Variants in FER1L5 observed in about 807,000 individuals in gnomAD.
FER1L5 encodes the protein fer-1-like protein 5.
In FER1L5, 187 loss-of-function variants were observed where a neutral mutation model predicts 279.9. The ratio of observed to expected loss-of-function variants is 0.67; its 90% CI spans 0.59 to 0.75. The LOEUF (loss-of-function observed/expected upper bound fraction) is 0.75, where lower values mean the gene tolerates loss of function less well. FER1L5 is among the 30% of genes least tolerant of loss of function. FER1L5 has a pLI of 0.00. For missense variants in FER1L5, 2,091 were observed against 2,594.4 expected (o/e 0.81, Z 4.21); for synonymous variants, 921 against 989.7 (o/e 0.93, Z 1.30).
intron 37 of FER1L5, among the ~76,000 whole-genome samples, chr2:96,696,329 G>A (rs1259633866): frequency 1.3e-5 from 2 of 150,944 alleles, no homozygotes; most frequent in East Asian, 1.9e-4. Flanking sequence ...TTTTGCTCTT[G>A]TTGCCCAGGC....
At position 96,703,552 on chromosome 2, in the gene FER1L5, G is replaced by A; in HGVS notation, c.5721G>A (p.Leu1907=). 1 of 1,613,980 alleles carries A rather than the reference G, an allele frequency of 6.2e-7. No individual in the cohort carries two copies. Among genetic ancestry groups the A allele is most frequent in the Non-Finnish European group, 8.5e-7 (1 of 1,179,882 alleles). ...SGKVKMSLEI[L]SEKEALIKPA... Reference sequence around the variant, plus strand: ...AGGTGAAGATGAGCCTGGAGATTCTGTCAGAGAAGGAAGCCTTAATCAAGC... The same window carrying A: ...AGGTGAAGATGAGCCTGGAGATTCTATCAGAGAAGGAAGCCTTAATCAAGC... The change falls in exon 51 of 53, where the codon CTG becomes CTA. Residue 1907 remains leucine, a synonymous_variant. Coordinates refer to ENST00000624922, the MANE Select transcript of FER1L5 (RefSeq NM_001293083.2).
rs1472743436 is a variant in FER1L5 at position 96,699,074 on chromosome 2, C to A, written c.4548C>A (p.Gly1516=). 1.9e-6 allele frequency: 3 copies of A among 1,611,898 alleles called. No homozygotes were observed. Among genetic ancestry groups the A allele is most frequent in the Non-Finnish European group, 2.5e-6 (3 of 1,179,064 alleles). The change falls in exon 42 of 53, where the codon GGC becomes GGA. Residue 1516 remains glycine (G), a synonymous_variant. Transcript: ENST00000624922. ...ACCCTTATGTGATCCTGAAACTGGG[C>A]AAGACAGAGCTTGGCAACCGGGACA... ...LCDPYVILKL[G]KTELGNRDMY... is the part of the protein sequence containing the mutation.
Position 96,694,573 on chromosome 2 carries a change from C to A in FER1L5, c.3741+109C>A. 1.2e-6 allele frequency: 1 copy of A among 852,812 alleles called. No homozygotes were observed. The allele number at this position is 852,812 out of a possible 1,614,324, so 52.8% of individuals were successfully genotyped here. A position where few individuals can be genotyped will look rare whatever the true frequency, so the allele number is the denominator to read the frequency against. On this transcript the variant is annotated intron_variant, in intron 34 of 52. Transcript: ENST00000624922. The surrounding 1 kb of genome is among the most constrained non-coding windows in gnomAD (Gnocchi z 4.6). ...TGACTACTGGATCCAAAGCTCACAC[C>A]CCGAAAAAGACTACCTGGGAGGTGG...
At position 96,659,649 on chromosome 2, in the gene FER1L5, G is replaced by A. The variant is rs185997268; in HGVS notation, c.748-692G>A. Among the ~76,000 whole-genome samples, 122 of 150,290 alleles carry A rather than the reference G, an allele frequency of 8.1e-4. 1 individual carries two copies. The East Asian group carries it at 0.017, about 21-fold the overall frequency. On this transcript the variant is annotated intron_variant, in intron 9 of 52. Coordinates refer to ENST00000624922, the MANE Select transcript of FER1L5 (RefSeq NM_001293083.2). ...TGAGACTACAGGGGCCCGCCACCACGCCCGGCTAATTTTTTGTATTTTTAG... is the reference window on the plus strand; with the variant it reads ...TGAGACTACAGGGGCCCGCCACCACACCCGGCTAATTTTTTGTATTTTTAG...
chr2:96,659,252 C>T (rs2075725868), intron 9 of FER1L5, among the ~76,000 whole-genome samples: 1 of 151,148 alleles, frequency 6.6e-6, no homozygotes, highest in African/African-American at 2.4e-5. Flanking sequence ...CTTTCAAAAG[C>T]AGACTTTTTC....
intron 1 of FER1L5, among the ~76,000 whole-genome samples, chr2:96,645,598 G>C (rs924390070): frequency 6.6e-6 from 1 of 152,234 alleles, no homozygotes; most frequent in East Asian, 1.9e-4. Flanking sequence ...GACCAGCCTG[G>C]GTGACATGGT....
chr2:96,647,294 T>G (rs1480336621), intron 3 of FER1L5, 139 bp downstream of exon 3: 3 of 948,176 alleles, frequency 3.2e-6, no homozygotes, highest in African/African-American at 3.3e-5. Flanking sequence ...AAAAGAGGGG[T>G]GGGTACTGAA....
intron 19 of FER1L5, among the ~76,000 whole-genome samples, chr2:96,683,939 C>A (rs1246372636): frequency 1.3e-5 from 2 of 152,122 alleles, no homozygotes; most frequent in African/African-American, 2.4e-5. Flanking sequence ...CTGCCCCCGT[C>A]CCACCCAGAG....
At chr2:96,655,824 C>T (rs1258842361) in intron 9 of FER1L5, among the ~76,000 whole-genome samples, 2 of 152,154 alleles carry the variant, frequency 1.3e-5, no homozygotes. Context: ...ATCCTCCCAC[C>T]TCAGCCTCCC....
intron 19 of FER1L5, among the ~76,000 whole-genome samples, chr2:96,677,042 A>G (rs1388834346): frequency 6.6e-6 from 1 of 152,154 alleles, no homozygotes; most frequent in Non-Finnish European, 1.5e-5. Context: ...GGGTTTCGCC[A>G]CGTTGGCCAG....
chr2:96,679,451 T>C (rs1375097957), intron 19 of FER1L5, among the ~76,000 whole-genome samples: 2 of 152,122 alleles, frequency 1.3e-5, no homozygotes, highest in Non-Finnish European at 2.9e-5. Context: ...CTCGATCTCG[T>C]GACCTCGTGA....
Position 96,698,977 on chromosome 2 carries a change from C to A in FER1L5, c.4519-68C>A. On this transcript the variant is annotated intron_variant, in intron 41 of 52. Coordinates refer to ENST00000624922, the MANE Select transcript of FER1L5 (RefSeq NM_001293083.2). This position sits in a 1 kb window ranked among gnomAD's most constrained non-coding sequence, Gnocchi z 5.5. ...GAGGGGCTTGTTTCCACCCTCCTCC[C>A]ACCCTCCCTGACAAACCTGGACGGC... 8.4e-6 allele frequency: 13 copies of A among 1,541,438 alleles called. No individual in the cohort carries two copies. The highest frequency in any genetic ancestry group is 1.1e-5 in the Non-Finnish European group (13 of 1,136,020).
intron 35 of FER1L5, 26 bp downstream of exon 35, chr2:96,695,687 G>C: frequency 6.2e-7 from 1 of 1,606,288 alleles, no homozygotes; most frequent in Non-Finnish European, 8.5e-7. Context: ...GCAGGGGCTG[G>C]GCAGCCCTCT....
Position 96,689,662 on chromosome 2 carries a change from C to T in FER1L5, c.2544C>T (p.Asp848=), listed in dbSNP as rs771099780. The change falls in exon 26 of 53, where the codon GAC becomes GAT. Residue 848 remains aspartate (D), a synonymous_variant. Coordinates refer to ENST00000624922, the MANE Select transcript of FER1L5 (RefSeq NM_001293083.2). The surrounding 1 kb of genome is among the most constrained non-coding windows in gnomAD (Gnocchi z 4.6). ...EPQRRLLLDI[D]INKSQVLEEV... ...CCCCCAGGCTCCTCCTGGACATAGA[C>T]ATCAACAAGAGCCAGGTGCTGGAGG... 30 of 1,551,152 alleles carry T rather than the reference C, an allele frequency of 1.9e-5. 1 individual carries two copies. The South Asian group carries it at 3.2e-4, about 17-fold the overall frequency.
At chr2:96,643,536 G>C (rs1486347361) in intron 1 of FER1L5, among the ~76,000 whole-genome samples, 1 of 151,898 alleles carries the variant, frequency 6.6e-6, no homozygotes, top group East Asian at 2.0e-4. Context: ...TTTTAATAGA[G>C]ACGGGGTTTC....
intron 18 of FER1L5, among the ~76,000 whole-genome samples, chr2:96,670,720 A>G (rs934989604): frequency 6.6e-6 from 1 of 151,846 alleles, no homozygotes; most frequent in Non-Finnish European, 1.5e-5. Flanking sequence ...TGGGAGGCGG[A>G]GGTTGCAGTG....
rs1366967606 is a variant in FER1L5 at position 96,668,870 on chromosome 2, G to C, written c.1185-16G>C. 8 of 1,551,652 alleles carry C rather than the reference G, an allele frequency of 5.2e-6. No individual in the cohort carries two copies. The Admixed American group carries it at 5.9e-5, about 11-fold the overall frequency. The stretch of plus-strand genomic sequence containing the variant: ...CTGGGCCGGGGGCTCAGCCTGAGGA[G>C]TGTGTTTCTCTCTAGCCGCAAGAAG... On this transcript the variant is annotated splice_polypyrimidine_tract_variant and intron_variant, in intron 15 of 52. Transcript: ENST00000624922.
chr2:96,651,579 A>G (rs983390217), intron 6 of FER1L5, among the ~76,000 whole-genome samples: 1 of 150,092 alleles, frequency 6.7e-6, no homozygotes, highest in Non-Finnish European at 1.5e-5. Context: ...ACAGCTCACT[A>G]CAGTCTAGAC....
chr2:96,667,120 C>G (rs1020109889), intron 14 of FER1L5, among the ~76,000 whole-genome samples: 1 of 152,120 alleles, frequency 6.6e-6, no homozygotes, highest in African/African-American at 2.4e-5. Context: ...GGGACAATCA[C>G]AGTCCTCAAG....
Sources: allele counts gnomAD v4.1 joint callset (sites outside exome capture counted in the v4.1 genomes callset), GRCh38; gene constraint gnomAD v4.1.1; non-coding constraint Gnocchi (gnomAD v3.1); transcripts MANE v1.5; gene names NCBI Gene and HGNC (gene_info 2026-07-23, HGNC 2026-07-21).